PPP2R3A: variants seen among roughly 807,000 people sequenced by gnomAD.
PPP2R3A encodes the protein serine/threonine-protein phosphatase 2A regulatory subunit B'' subunit alpha.
PPP2R3A carries 80 observed loss-of-function variants against 106.9 expected under a neutral mutation model. That is an observed-to-expected ratio of 0.75 (90% CI 0.62 to 0.90). The LOEUF (loss-of-function observed/expected upper bound fraction) is 0.90, where lower values mean the gene tolerates loss of function less well. Among genes scored for constraint, PPP2R3A ranks in the 40% least tolerant of loss-of-function variants. The pLI is 0.00. For missense variants in PPP2R3A, 1,386 were observed against 1,350.4 expected (o/e 1.03, Z -0.41); for synonymous variants, 483 against 468.3 (o/e 1.03, Z -0.41).
At chr3:136,040,289 C>A (rs577059269) in intron 3 of PPP2R3A, among the ~76,000 whole-genome samples, 2 of 152,304 alleles carry the variant, frequency 1.3e-5, no homozygotes, top group East Asian at 3.9e-4. Flanking sequence ...CCTGTAATCC[C>A]AGCACTTTGG....
At chr3:136,009,309 G>A (rs974739315) in intron 2 of PPP2R3A, among the ~76,000 whole-genome samples, 5 of 151,902 alleles carry the variant, frequency 3.3e-5, no homozygotes, top group African/African-American at 1.2e-4. Flanking sequence ...CCTGAAACCA[G>A]CCCCGCCCCA....
At chr3:136,022,063 T>C (rs946521838) in intron 2 of PPP2R3A, among the ~76,000 whole-genome samples, 25 of 152,244 alleles carry the variant, frequency 1.6e-4, no homozygotes, top group African/African-American at 5.8e-4. Context: ...TACAAATAAC[T>C]ATATGAGGCA....
Position 135,967,195 on chromosome 3 carries a change from C to A in PPP2R3A, c.-441+1346C>A, listed in dbSNP as rs146749360. On this transcript the variant is annotated intron_variant, in intron 1 of 13. Transcript: ENST00000264977. The stretch of plus-strand genomic sequence containing the variant: ...GATACTTGTGGAAAAAAACTTAGAT[C>A]TTTTATACAATCTAGGAGCTCAGAA... 8.1e-4 allele frequency among the ~76,000 whole-genome samples: 124 copies of A among 152,158 alleles called. 4 individuals carry two copies. The East Asian group carries it at 0.023, about 28-fold the overall frequency.
chr3:136,072,475 C>G (rs1168063054), intron 6 of PPP2R3A, among the ~76,000 whole-genome samples: 1 of 152,092 alleles, frequency 6.6e-6, no homozygotes, highest in Non-Finnish European at 1.5e-5. Context: ...ACCTGTAGTC[C>G]CAGCTACTCA....
chr3:136,096,393 G>A (rs958965235), intron 10 of PPP2R3A, among the ~76,000 whole-genome samples: 30 of 152,332 alleles, frequency 2.0e-4, no homozygotes, highest in Admixed American at 1.8e-3. Flanking sequence ...TGCTGCGTAC[G>A]AAATTAGGAT....
chr3:136,086,812 A>G (rs1167892030), intron 8 of PPP2R3A, among the ~76,000 whole-genome samples: 2 of 152,146 alleles, frequency 1.3e-5, no homozygotes, highest in African/African-American at 4.8e-5. Context: ...GTACCTAACT[A>G]TGTGCAGAAG....
Position 136,103,289 on chromosome 3 carries a change from C to G in PPP2R3A, c.3135C>G (p.Cys1045Trp), listed in dbSNP as rs1937425923. The G allele has an allele frequency of 6.2e-7, 1 of 1,607,914 alleles. No individual in the cohort carries two copies. The highest frequency in any genetic ancestry group is 8.5e-7 in the Non-Finnish European group (1 of 1,175,026). The change falls in exon 12 of 14, where the codon TGC becomes TGG. Residue 1045 changes from cysteine (C) to tryptophan (W), a missense_variant. Cys to Trp is a radical substitution (Grantham distance 215). Transcript: ENST00000264977. The stretch of plus-strand genomic sequence containing the variant: ...TAACTCTAAGAGATCTGAAGAGGTG[C>G]AGAATGGCTCACATCTTCTATGACA... ...GKITLRDLKR[C>W]RMAHIFYDTF... is the part of the protein sequence containing the mutation.
chr3:136,103,868 C>A lies in PPP2R3A; in HGVS notation c.3222+492C>A, dbSNP rs578021003. 2.0e-5 allele frequency among the ~76,000 whole-genome samples: 3 copies of A among 152,272 alleles called. No individual in the cohort carries two copies. The East Asian group carries it at 5.8e-4, about 29-fold the overall frequency. On this transcript the variant is annotated intron_variant, in intron 12 of 13. Transcript: ENST00000264977. ...ACGTGTTAATGATTGCCGTTCATGG[C>A]TATCAGTTTTGAATGCATTCTACAT...
chr3:135,987,885 C>T (rs1019190473), intron 1 of PPP2R3A, among the ~76,000 whole-genome samples: 1 of 152,192 alleles, frequency 6.6e-6, no homozygotes, highest in Non-Finnish European at 1.5e-5. Flanking sequence ...CAGAAAGTTC[C>T]ATTGGACAGT....
At chr3:136,104,376 G>A (rs1165243026) in intron 12 of PPP2R3A, among the ~76,000 whole-genome samples, 1 of 151,136 alleles carries the variant, frequency 6.6e-6, no homozygotes, top group Admixed American at 6.6e-5. Context: ...GTGTGATCTC[G>A]GCTCACCGCA....
intron 1 of PPP2R3A, among the ~76,000 whole-genome samples, chr3:135,968,182 G>C (rs1937145110): frequency 6.6e-6 from 1 of 152,162 alleles, no homozygotes; most frequent in Non-Finnish European, 1.5e-5. Context: ...ACTAGATTAG[G>C]TATGGAAATA....
intron 2 of PPP2R3A, chr3:136,022,771 G>A: frequency 8.6e-7 from 1 of 1,157,960 alleles, no homozygotes; most frequent in Non-Finnish European, 1.1e-6. Flanking sequence ...ACATGTGCAG[G>A]TCAATTTGAC....
At chr3:135,969,911 C>T (rs937863646) in intron 1 of PPP2R3A, among the ~76,000 whole-genome samples, 4 of 152,176 alleles carry the variant, frequency 2.6e-5, no homozygotes, top group South Asian at 4.1e-4. Flanking sequence ...CACTACAGAG[C>T]CCACCACTCC....
At chr3:136,030,759 C>CATATATATATATATAT (rs1559878018) in intron 3 of PPP2R3A, among the ~76,000 whole-genome samples, 1 of 69,962 alleles carries the variant, frequency 1.4e-5, no homozygotes, top group Non-Finnish European at 3.0e-5. Context: ...AGTATTCCAT[C>CATATATATATATATAT]ACATATATAT....
chr3:136,114,047 C>T (rs369169112), intron 13 of PPP2R3A, among the ~76,000 whole-genome samples: 3 of 152,192 alleles, frequency 2.0e-5, no homozygotes, highest in Non-Finnish European at 2.9e-5. Context: ...GTGATTTCTG[C>T]ATTCCCCGCT....
Position 136,145,665 on chromosome 3 carries a change from TTC to T in PPP2R3A, c.*501_*502del, listed in dbSNP as rs1410882771. On this transcript the variant is annotated 3_prime_UTR_variant, in exon 14 of 14. Coordinates refer to ENST00000264977, the MANE Select transcript of PPP2R3A (RefSeq NM_002718.5). ...AGCACTGCCAAAACATCTCAGAGAC[TTC>T]TTTTATGTATACTGGAGTTCAAAGA... The T allele has an allele frequency of 6.5e-6, 1 of 152,774 alleles. No individual in the cohort carries two copies. The highest frequency in any genetic ancestry group is 6.5e-5 in the Admixed American group (1 of 15,284). The allele number at this position is 152,774 out of a possible 1,614,324, so 9.5% of individuals were successfully genotyped here.
At chr3:136,048,402 G>A (rs1267787298) in intron 4 of PPP2R3A, among the ~76,000 whole-genome samples, 6 of 152,308 alleles carry the variant, frequency 3.9e-5, no homozygotes, top group East Asian at 1.9e-4. Flanking sequence ...GCCAGGCGCC[G>A]TGGCTCACGC....
intron 13 of PPP2R3A, among the ~76,000 whole-genome samples, chr3:136,139,822 G>T (rs901760297): frequency 6.6e-6 from 1 of 151,572 alleles, no homozygotes; most frequent in African/African-American, 2.4e-5. Context: ...TGGCCAACAT[G>T]GTGAAAACCC....
chr3:136,047,861 C>T (rs1010395781), intron 4 of PPP2R3A, among the ~76,000 whole-genome samples: 18 of 151,194 alleles, frequency 1.2e-4, no homozygotes, highest in South Asian at 4.2e-4. Flanking sequence ...GCTGAGATTG[C>T]GCCACTGCAC....
Sources: gnomAD v4.1 joint callset for allele counts (sites outside exome capture counted in the v4.1 genomes callset) on GRCh38, gnomAD v4.1.1 for gene constraint, MANE v1.5 for transcripts, NCBI Gene and HGNC (gene_info 2026-07-23, HGNC 2026-07-21) for gene names.